BICC1: variants seen among roughly 807,000 people sequenced by gnomAD.
BICC1 encodes the protein protein bicaudal C homolog 1.
Under a neutral mutation model 111.0 loss-of-function variants are expected in BICC1, and 43 were observed. The observed-to-expected ratio is 0.39, with a 90% CI of 0.30 to 0.50. The LOEUF (loss-of-function observed/expected upper bound fraction) is 0.50. BICC1 is among the 20% of genes least tolerant of loss of function. The probability of loss-of-function intolerance (pLI) is 0.88; values close to 1 mark genes in which losing one functional copy is unlikely to be tolerated. For synonymous variants in BICC1, 467 were observed against 434.4 expected (o/e 1.07, Z -0.93); for missense variants, 1,091 against 1,203.2 (o/e 0.91, Z 1.38).
Position 58,800,215 on chromosome 10 carries a change from G to T in BICC1, c.1747G>T (p.Ala583Ser). ...TTAGTCTCCAGATATAAAATATGGT[G>T]CAATATCCACTTCATCACTTGGAGA... is the stretch of plus-strand genomic sequence containing the variant. ...HAQSPDIKYG[A>S]ISTSSLGEKV... The change falls in exon 13 of 21, where the codon GCA (alanine) becomes TCA (serine). Residue 583 changes from alanine (A) to serine (S), a missense_variant. Around this residue, in one of 3 missense-constraint regions of BICC1, gnomAD observed 843 missense variants for 900.8 expected, o/e 0.94. Coordinates refer to ENST00000373886, the MANE Select transcript of BICC1 (RefSeq NM_001080512.3). 6.2e-7 allele frequency: 1 copy of T among 1,604,592 alleles called. No individual in the cohort carries two copies. The highest frequency in any genetic ancestry group is 1.3e-5 in the African/African-American group (1 of 74,758).
chr10:58,744,106 A>C (rs1841755657), intron 3 of BICC1, among the ~76,000 whole-genome samples: 1 of 152,210 alleles, frequency 6.6e-6, no homozygotes. Flanking sequence ...AGCTTAATAA[A>C]ATTGCAATTC....
At chr10:58,602,136 TAAAC>T (rs1270095323) in intron 1 of BICC1, among the ~76,000 whole-genome samples, 1 of 152,086 alleles carries the variant, frequency 6.6e-6, no homozygotes, top group African/African-American at 2.4e-5. Context: ...CTTTCCAAAG[TAAAC>T]AAAGTAGGAA....
intron 3 of BICC1, among the ~76,000 whole-genome samples, chr10:58,772,138 C>T (rs1842636898): frequency 6.6e-6 from 1 of 152,156 alleles, no homozygotes; most frequent in Non-Finnish European, 1.5e-5. Context: ...GATAGAACTT[C>T]AAGTTCCATT....
intron 1 of BICC1, among the ~76,000 whole-genome samples, chr10:58,545,386 GTGA>G (rs1843110622): frequency 6.6e-6 from 1 of 152,144 alleles, no homozygotes; most frequent in Non-Finnish European, 1.5e-5. Flanking sequence ...AACGTTGACT[GTGA>G]TGATGAAGCA....
chr10:58,620,811 A>G (rs375592455), intron 1 of BICC1, 44 bp from the exon 2 acceptor site: 7 of 1,587,982 alleles, frequency 4.4e-6, no homozygotes, highest in African/African-American at 1.4e-5. Context: ...TTTTGAATGC[A>G]TACATTGAAA....
chr10:58,799,588 G>A lies in BICC1; in HGVS notation c.1725+336G>A, dbSNP rs560418838. ...TGGCTAGCCAGTTTTCCCAGCGCCAGTTATTGAACATGGATTCCTTTCCGT... is the reference window on the plus strand; with the variant it reads ...TGGCTAGCCAGTTTTCCCAGCGCCAATTATTGAACATGGATTCCTTTCCGT... On this transcript the variant is annotated intron_variant, in intron 12 of 20. Transcript: ENST00000373886. 2.4e-4 allele frequency among the ~76,000 whole-genome samples: 37 copies of A among 152,140 alleles called. 1 individual carries two copies. Among genetic ancestry groups the A allele is most frequent in the African/African-American group, 8.9e-4 (37 of 41,528 alleles).
At chr10:58,823,517 G>C in intron 20 of BICC1, 1 of 984,024 alleles carries the variant, frequency 1.0e-6, no homozygotes, top group Non-Finnish European at 1.2e-6. Flanking sequence ...GGATTCCCTT[G>C]TGATCATTTT....
At chr10:58,514,018 G>A (rs940845952) in intron 1 of BICC1, among the ~76,000 whole-genome samples, 7 of 152,206 alleles carry the variant, frequency 4.6e-5, no homozygotes, top group African/African-American at 1.7e-4. Context: ...TATGCTATGG[G>A]TGTCTGACTT....
intron 1 of BICC1, among the ~76,000 whole-genome samples, chr10:58,596,873 A>G (rs1458910963): frequency 2.6e-5 from 4 of 152,218 alleles, no homozygotes; most frequent in African/African-American, 9.6e-5. Flanking sequence ...TTCAAGGAGA[A>G]CTATAAACCA....
chr10:58,788,560 G>A lies in BICC1; in HGVS notation c.600+137G>A, dbSNP rs1438176616. 1.4e-5 allele frequency: 8 copies of A among 577,122 alleles called. No homozygotes were observed. The East Asian group carries it at 1.5e-4, about 11-fold the overall frequency. The allele number at this position is 577,122 out of a possible 1,614,324, so 35.8% of individuals were successfully genotyped here. The stretch of plus-strand genomic sequence containing the variant: ...GGAAATAGTGGCAAAAGTTATTTTA[G>A]TGTCTATCTTAGCATTCATTATCTA... On this transcript the variant is annotated intron_variant, in intron 6 of 20. Coordinates refer to ENST00000373886, the MANE Select transcript of BICC1 (RefSeq NM_001080512.3).
chr10:58,713,821 A>C lies in BICC1; in HGVS notation c.307+11678A>C, dbSNP rs986672926. ...TCTGTCTTTTAAAAATGTTCAGCCT[A>C]CGTTTATTTTTATTATTCTTGTTCT... On this transcript the variant is annotated intron_variant, in intron 3 of 20. Transcript: ENST00000373886. Among the ~76,000 whole-genome samples the C allele has an allele frequency of 1.5e-4, 23 of 152,138 alleles. 1 individual carries two copies. Among genetic ancestry groups the C allele is most frequent in the African/African-American group, 4.3e-4 (18 of 41,418 alleles).
At chr10:58,515,216 A>G (rs1842210354) in intron 1 of BICC1, among the ~76,000 whole-genome samples, 1 of 152,216 alleles carries the variant, frequency 6.6e-6, no homozygotes, top group Non-Finnish European at 1.5e-5. Flanking sequence ...AGTTTCTTTT[A>G]CAGAAAGTCT....
At chr10:58,584,344 C>T (rs1397673880) in intron 1 of BICC1, among the ~76,000 whole-genome samples, 1 of 152,080 alleles carries the variant, frequency 6.6e-6, no homozygotes, top group Non-Finnish European at 1.5e-5. Flanking sequence ...TCTGAGCCCC[C>T]TTTTTGGACT....
chr10:58,614,247 A>C (rs920341167), intron 1 of BICC1, among the ~76,000 whole-genome samples: 3 of 152,124 alleles, frequency 2.0e-5, no homozygotes, highest in Admixed American at 1.3e-4. Context: ...AAAGTCCTTC[A>C]GGTGACCTGG....
intron 2 of BICC1, among the ~76,000 whole-genome samples, chr10:58,699,740 G>A (rs1840173317): frequency 6.6e-6 from 1 of 151,730 alleles, no homozygotes; most frequent in Admixed American, 6.6e-5. Context: ...TGTAGCCCAG[G>A]CTGGAATGTG....
intron 3 of BICC1, among the ~76,000 whole-genome samples, chr10:58,722,061 A>G (rs940749385): frequency 1.3e-5 from 2 of 152,222 alleles, no homozygotes; most frequent in African/African-American, 4.8e-5. Flanking sequence ...TTCTTTTCCT[A>G]TGATTCTTCA....
intron 1 of BICC1, among the ~76,000 whole-genome samples, chr10:58,563,763 G>A (rs1843676635): frequency 6.6e-6 from 1 of 152,142 alleles, no homozygotes; most frequent in Non-Finnish European, 1.5e-5. Context: ...CTTAGCAACA[G>A]CAAATAAATT....
chr10:58,605,320 T>A (rs1002400547), intron 1 of BICC1, among the ~76,000 whole-genome samples: 1 of 152,220 alleles, frequency 6.6e-6, no homozygotes, highest in Non-Finnish European at 1.5e-5. Context: ...TGCTTTTTAT[T>A]CCTTGAGCTG....
At chr10:58,684,319 A>G (rs1321445581) in intron 2 of BICC1, among the ~76,000 whole-genome samples, 2 of 152,152 alleles carry the variant, frequency 1.3e-5, no homozygotes, top group East Asian at 1.9e-4. Context: ...CATCAGGGAT[A>G]TTGGTCTAAA....
Sources: gnomAD v4.1 joint callset for allele counts (sites outside exome capture counted in the v4.1 genomes callset) on GRCh38, gnomAD v4.1.1 for gene constraint, gnomAD v4.1.1 regional missense constraint, MANE v1.5 for transcripts, NCBI Gene and HGNC (gene_info 2026-07-23, HGNC 2026-07-21) for gene names.